Variants in NHS observed in about 807,000 individuals in gnomAD.
The protein encoded by NHS is NHS actin remodeling regulator.
NHS carries 5 observed loss-of-function variants against 72.5 expected under a neutral mutation model. The observed-to-expected ratio is 0.07, with a 90% confidence interval of 0.04 to 0.14. The LOEUF is 0.14. Ranked by LOEUF, NHS falls within the 10% of genes least tolerant of loss-of-function variation. The pLI is 1.00. For missense variants in NHS, 1,072 were observed against 1,355.7 expected, an observed-to-expected ratio of 0.79 and a Z score of 3.29; for synonymous variants, 464 against 547.7, an observed-to-expected ratio of 0.85 and a Z score of 2.13.
intron 1 of NHS, among the ~76,000 whole-genome samples, chrX:17,641,008 T>C (rs1257315172): frequency 8.9e-6 from 1 of 112,544 alleles, no homozygotes; most frequent in Non-Finnish European, 1.9e-5. Flanking sequence ...GATAATTGTG[T>C]GTTGAGTGTT....
intron 1 of NHS, among the ~76,000 whole-genome samples, chrX:17,575,802 G>T: frequency 9.0e-6 from 1 of 111,665 alleles, no homozygotes; most frequent in Non-Finnish European, 1.9e-5. Context: ...GCATGTCTAG[G>T]ATGTCTATTT....
chrX:17,378,264 A>T (rs2064357141), intron 1 of NHS, among the ~76,000 whole-genome samples: 1 of 112,006 alleles, frequency 8.9e-6, no homozygotes, highest in African/African-American at 3.3e-5. Flanking sequence ...AGTAGAGATA[A>T]GAGAGGATCT....
At chrX:17,429,224 ATGTGTGTG>A (rs10616889) in intron 1 of NHS, among the ~76,000 whole-genome samples, 9 of 96,842 alleles carry the variant, frequency 9.3e-5, no homozygotes, top group South Asian at 9.8e-4. Context: ...GTACTGGGGG[ATGTGTGTG>A]TGTGTGTGTG....
intron 1 of NHS, among the ~76,000 whole-genome samples, chrX:17,612,205 TGGG>T (rs2065715149): frequency 9.2e-6 from 1 of 109,091 alleles, no homozygotes; most frequent in African/African-American, 3.4e-5. Context: ...TTTTTTTTTT[TGGG>T]CAGGGCCAGA....
chrX:17,712,243 T>TTGTGTGTG (rs777863207), intron 3 of NHS, among the ~76,000 whole-genome samples: 4 of 68,340 alleles, frequency 5.9e-5, no homozygotes, highest in African/African-American at 2.9e-4. Flanking sequence ...TATTGGCCTT[T>TTGTGTGTG]TGTGTGTGTG....
rs959825974 is a variant in NHS, at chrX:17,395,537, T to G, written c.565+19215T>G. On this transcript the variant is annotated intron_variant, in intron 1 of 8. Coordinates refer to ENST00000676302, the MANE Select transcript of NHS (RefSeq NM_001291867.2). ...TCTTTTCTAGCTCAGTGGTCACCCT[T>G]TTGTATTCTCTAAGGTTGCTTGAAG... Among the ~76,000 whole-genome samples, 6 of 112,486 alleles carry G rather than the reference T, an allele frequency of 5.3e-5. No individual in the cohort carries two copies. The Admixed American group carries it at 5.6e-4, about 11-fold the overall frequency.
intron 1 of NHS, among the ~76,000 whole-genome samples, chrX:17,662,005 G>A (rs2065984902): frequency 1.8e-5 from 2 of 111,932 alleles, no homozygotes; most frequent in African/African-American, 3.3e-5. Context: ...CCAACTTCTC[G>A]CTCTGCCCAG....
At chrX:17,566,302 C>T (rs921717392) in intron 1 of NHS, among the ~76,000 whole-genome samples, 2 of 111,629 alleles carry the variant, frequency 1.8e-5, no homozygotes, top group Non-Finnish European at 3.8e-5. Context: ...ATGTTAATCA[C>T]TGAACATCTC....
chrX:17,725,483 A>G lies in NHS; in HGVS notation c.1377A>G (p.Pro459=). The change falls in exon 7 of 9, where the codon CCA becomes CCG. Residue 459 remains proline, a synonymous_variant. Transcript: ENST00000676302. ...CQTEDILIAA[P]SRRRIRAQRG... The stretch of plus-strand genomic sequence containing the variant: ...CCGAGGATATTCTGATTGCTGCCCC[A>G]TCCAGAAGGAGAATCAGAGCTCAAA... 4 of 1,211,552 alleles carry G rather than the reference A, an allele frequency of 3.3e-6. No homozygotes were observed. Among genetic ancestry groups the G allele is most frequent in the Non-Finnish European group, 3.4e-6 (3 of 895,481 alleles).
At chrX:17,543,941 AT>A (rs2065277239) in intron 1 of NHS, among the ~76,000 whole-genome samples, 1 of 112,226 alleles carries the variant, frequency 8.9e-6, no homozygotes, top group Admixed American at 9.4e-5. Context: ...TATATAAATC[AT>A]GGTTTCTTTC....
chrX:17,410,037 C>T (rs2064549922), intron 1 of NHS, among the ~76,000 whole-genome samples: 2 of 111,367 alleles, frequency 1.8e-5, no homozygotes, highest in African/African-American at 6.5e-5. Flanking sequence ...GAGTGAGATT[C>T]AGAGAATGAA....
At chrX:17,615,073 CAT>C (rs750531611) in intron 1 of NHS, among the ~76,000 whole-genome samples, 5,671 of 93,992 alleles carry the variant, frequency 0.06, 507 homozygotes, top group African/African-American at 0.21. Flanking sequence ...GTCATTCATA[CAT>C]ATATATATAT....
At chrX:17,718,536 AAAGGAAGGAGGGAAGGAAGAAAGG>A (rs1569316576) in intron 3 of NHS, among the ~76,000 whole-genome samples, 1 of 98,289 alleles carries the variant, frequency 1.0e-5, no homozygotes, top group Admixed American at 1.1e-4. Flanking sequence ...GGGAAGGAAA[AAAGGAAGGAGGGAAGGAAGAAAGG>A]AAGGAAGGAG....
intron 1 of NHS, among the ~76,000 whole-genome samples, chrX:17,531,293 GC>G (rs1487300922): frequency 9.8e-6 from 1 of 102,208 alleles, no homozygotes; most frequent in Non-Finnish European, 2.0e-5. Context: ...TTCCCCTGGT[GC>G]CCCAGCCTTC....
chrX:17,658,750 G>A (rs1168997661), intron 1 of NHS, among the ~76,000 whole-genome samples: 1 of 111,742 alleles, frequency 8.9e-6, no homozygotes, highest in Non-Finnish European at 1.9e-5. Flanking sequence ...GGAAGACCAC[G>A]GGTTGAGATT....
chrX:17,488,348 G>A lies in NHS; in HGVS notation c.565+112026G>A, dbSNP rs886461575. Among the ~76,000 whole-genome samples the A allele has an allele frequency of 4.5e-5, 5 of 111,370 alleles. No individual in the cohort carries two copies. In the Admixed American group the frequency reaches 4.8e-4, roughly 11 times the overall value. ...TTCTGAGCCCTCCAGTCAGGGTGAC[G>A]TTTGGGCTTGAGGGCTGAAGGACCT... On this transcript the variant is annotated intron_variant, in intron 1 of 8. Coordinates refer to ENST00000676302, the MANE Select transcript of NHS (RefSeq NM_001291867.2).
chrX:17,428,447 C>T (rs1240152284), intron 1 of NHS, among the ~76,000 whole-genome samples: 1 of 112,136 alleles, frequency 8.9e-6, no homozygotes, highest in Non-Finnish European at 1.9e-5. Context: ...TAAAGTGATG[C>T]TGACTCAAAT....
chrX:17,442,542 A>G (rs1471790431), intron 1 of NHS, among the ~76,000 whole-genome samples: 1 of 112,551 alleles, frequency 8.9e-6, no homozygotes, highest in Non-Finnish European at 1.9e-5. Flanking sequence ...TGGTTTGACT[A>G]GAGAGGAGCA....
chrX:17,401,770 A>G (rs932809280), intron 1 of NHS, among the ~76,000 whole-genome samples: 16 of 111,658 alleles, frequency 1.4e-4, no homozygotes, highest in Middle Eastern at 9.1e-3. Flanking sequence ...GTGTCTTTAC[A>G]TGGCCTTATT....
Sources: gnomAD v4.1 joint callset for allele counts (sites outside exome capture counted in the v4.1 genomes callset) on GRCh38, gnomAD v4.1.1 for gene constraint, MANE v1.5 for transcripts, NCBI Gene and HGNC (gene_info 2026-07-23, HGNC 2026-07-21) for gene names.